The following MTMR12 variants were observed in gnomAD, a reference collection of about 807,000 sequenced individuals.
MTMR12 encodes myotubularin-related protein 12.
Under a neutral mutation model 96.7 loss-of-function variants are expected in MTMR12, and 33 were observed. The ratio of observed to expected loss-of-function variants is 0.34; its 90% CI spans 0.26 to 0.46. The LOEUF (loss-of-function observed/expected upper bound fraction) is 0.46. Among genes scored for constraint, MTMR12 ranks in the 20% least tolerant of loss-of-function variants. MTMR12 has a pLI of 1.00. For synonymous variants in MTMR12, 298 were observed against 327.2 expected (o/e 0.91, Z 0.96); for missense variants, 721 against 896.1 (o/e 0.80, Z 2.49).
chr5:32,230,722 G>T (rs1487270212), intron 15 of MTMR12, among the ~76,000 whole-genome samples: 2 of 152,174 alleles, frequency 1.3e-5, no homozygotes, highest in Non-Finnish European at 2.9e-5. Flanking sequence ...GGGAACTTGT[G>T]GGTCAGGCCC....
intron 1 of MTMR12, among the ~76,000 whole-genome samples, chr5:32,281,450 A>C (rs1334563886): frequency 2.0e-5 from 3 of 152,138 alleles, no homozygotes; most frequent in Non-Finnish European, 4.4e-5. Context: ...GAATATCTGA[A>C]GCCAGGGTAA....
intron 1 of MTMR12, among the ~76,000 whole-genome samples, chr5:32,306,518 C>T (rs1751372628): frequency 6.6e-6 from 1 of 151,952 alleles, no homozygotes; most frequent in African/African-American, 2.4e-5. Context: ...TACATTTTTT[C>T]CTGAGGGATA....
At chr5:32,292,516 C>T (rs1391999230) in intron 1 of MTMR12, among the ~76,000 whole-genome samples, 1 of 152,118 alleles carries the variant, frequency 6.6e-6, no homozygotes, top group Non-Finnish European at 1.5e-5. Context: ...AGTCAATAGG[C>T]TAAGAAGGGA....
rs35999870 is a variant in MTMR12, at chr5:32,279,076, C to CAAAAAAAAAAAAAAAAAAAAA, written c.82-2355_82-2335dup. 7.9e-5 allele frequency among the ~76,000 whole-genome samples: 4 copies of CAAAAAAAAAAAAAAAAAAAAA among 50,532 alleles called. 1 individual carries two copies. The highest frequency in any genetic ancestry group is 1.5e-4 in the African/African-American group (2 of 12,978). The allele number at this position is 50,532 out of a possible 152,430, so 33.2% of individuals were successfully genotyped here. The stretch of plus-strand genomic sequence containing the variant: ...GGGCAACAAGAGCGAAACTCTGTCT[C>CAAAAAAAAAAAAAAAAAAAAA]AAAAAAAAAAAAAAAAAAAAAAAAA... On this transcript the variant is annotated intron_variant, in intron 1 of 15. Coordinates refer to ENST00000382142, the MANE Select transcript of MTMR12 (RefSeq NM_001040446.3).
intron 1 of MTMR12, among the ~76,000 whole-genome samples, chr5:32,307,902 C>A (rs1240204296): frequency 1.3e-5 from 2 of 152,250 alleles, no homozygotes; most frequent in Non-Finnish European, 2.9e-5. Flanking sequence ...CAAGAACAAG[C>A]TTATCACCAG....
At chr5:32,307,492 G>C (rs1302199821) in intron 1 of MTMR12, among the ~76,000 whole-genome samples, 1 of 152,128 alleles carries the variant, frequency 6.6e-6, no homozygotes, top group African/African-American at 2.4e-5. Context: ...TCAACTTTCA[G>C]AGCCATCAGC....
chr5:32,306,560 C>CAT (rs892900740), intron 1 of MTMR12, among the ~76,000 whole-genome samples: 18 of 151,904 alleles, frequency 1.2e-4, no homozygotes, highest in South Asian at 2.1e-4. Context: ...CTATTAACAC[C>CAT]ATATATATAT....
At chr5:32,264,253 A>C (rs1749501121) in intron 6 of MTMR12, among the ~76,000 whole-genome samples, 1 of 152,202 alleles carries the variant, frequency 6.6e-6, no homozygotes, top group Admixed American at 6.5e-5. Context: ...ATACCACAAT[A>C]GTCTTGAGTA....
At chr5:32,230,397 G>C (rs1403760660) in intron 15 of MTMR12, 50 bp from the exon 16 acceptor site, 1 of 1,466,518 alleles carries the variant, frequency 6.8e-7, no homozygotes, top group Non-Finnish European at 9.2e-7. Flanking sequence ...AACAGGCACA[G>C]TTAACAGCTG....
intron 1 of MTMR12, among the ~76,000 whole-genome samples, chr5:32,286,957 C>A (rs755450896): frequency 6.6e-6 from 1 of 152,170 alleles, no homozygotes; most frequent in Non-Finnish European, 1.5e-5. Context: ...ACACACAGCA[C>A]CTAAGTCCTC....
rs74383306 is a variant in MTMR12, at chr5:32,289,574, C to T, written c.82-12832G>A. On this transcript the variant is annotated intron_variant, in intron 1 of 15. Transcript: ENST00000382142. The stretch of plus-strand genomic sequence containing the variant: ...ACTGGTTCTGAGCTGACAATGATTC[C>T]GGGGTACCCAAAGTGTCACTGTGGT... 4.4e-3 allele frequency among the ~76,000 whole-genome samples: 673 copies of T among 152,258 alleles called. 2 individuals carry two copies. Among genetic ancestry groups the T allele is most frequent in the African/African-American group, 0.015 (631 of 41,552 alleles).
chr5:32,264,370 A>G (rs1253682681), intron 6 of MTMR12, among the ~76,000 whole-genome samples: 1 of 152,204 alleles, frequency 6.6e-6, no homozygotes, highest in Non-Finnish European at 1.5e-5. Context: ...TCCTTTTCAT[A>G]AAACCAGATC....
chr5:32,256,507 A>G (rs1445415741), intron 7 of MTMR12, among the ~76,000 whole-genome samples: 2 of 152,186 alleles, frequency 1.3e-5, no homozygotes, highest in African/African-American at 4.8e-5. Flanking sequence ...AAAAGAACAA[A>G]CTTGTTAAGT....
chr5:32,252,201 T>C (rs1748957950), intron 8 of MTMR12, among the ~76,000 whole-genome samples: 1 of 152,186 alleles, frequency 6.6e-6, no homozygotes, highest in Non-Finnish European at 1.5e-5. Flanking sequence ...TATACAGGTC[T>C]TCCTTGAAAA....
chr5:32,311,298 C>G (rs936800752), intron 1 of MTMR12, among the ~76,000 whole-genome samples: 1 of 152,230 alleles, frequency 6.6e-6, no homozygotes. Context: ...CCCGCTGAAA[C>G]TTTAAGATGA....
At position 32,273,354 on chromosome 5, in the gene MTMR12, T is replaced by C. The variant is rs1221806981; in HGVS notation, c.285+626A>G. Among the ~76,000 whole-genome samples the C allele has an allele frequency of 2.6e-5, 4 of 152,088 alleles. No individual in the cohort carries two copies. The East Asian group carries it at 7.7e-4, about 29-fold the overall frequency. ...CTACGCCACAGCACTCCAACCTGAA[T>C]GACAGAGTGAGACTCTGTCTCAAAA... On this transcript the variant is annotated intron_variant, in intron 3 of 15. Coordinates refer to ENST00000382142, the MANE Select transcript of MTMR12 (RefSeq NM_001040446.3).
At chr5:32,306,571 AT>A (rs1751374853) in intron 1 of MTMR12, among the ~76,000 whole-genome samples, 1 of 152,044 alleles carries the variant, frequency 6.6e-6, no homozygotes, top group Non-Finnish European at 1.5e-5. Flanking sequence ...ATATATATAT[AT>A]TTTTTACTCT....
intron 7 of MTMR12, among the ~76,000 whole-genome samples, chr5:32,258,916 A>T (rs990318179): frequency 6.6e-6 from 1 of 151,922 alleles, no homozygotes; most frequent in Non-Finnish European, 1.5e-5. Flanking sequence ...AAAAAAAAAA[A>T]AAAAAAAAGT....
At chr5:32,238,551 C>T (rs1189935349) in intron 13 of MTMR12, among the ~76,000 whole-genome samples, 1 of 152,112 alleles carries the variant, frequency 6.6e-6, no homozygotes, top group Non-Finnish European at 1.5e-5. Context: ...AAATCCAAAA[C>T]AATTTGAAAT....
Sources: allele counts gnomAD v4.1 joint callset (sites outside exome capture counted in the v4.1 genomes callset), GRCh38; gene constraint gnomAD v4.1.1; transcripts MANE v1.5; gene names NCBI Gene and HGNC (gene_info 2026-07-23, HGNC 2026-07-21).